SNX18: variants seen among roughly 807,000 people sequenced by gnomAD.
The protein encoded by SNX18 is sorting nexin-18.
A neutral mutation model predicts 48.7 loss-of-function variants in SNX18; 35 were observed. The ratio of observed to expected loss-of-function variants is 0.72; its 90% CI spans 0.55 to 0.95. SNX18 has a LOEUF of 0.95. Ranked by LOEUF, SNX18 falls within the 40% of genes least tolerant of loss-of-function variation. The probability of loss-of-function intolerance (pLI) is 0.00; values close to 1 mark genes in which losing one functional copy is unlikely to be tolerated. For missense variants in SNX18, 824 were observed against 871.0 expected (o/e 0.95, Z 0.68); for synonymous variants, 492 against 384.7 (o/e 1.28, Z -3.26).
chr5:54,632,650 G>A, the SNX18 span, among the ~76,000 whole-genome samples: 1 of 152,162 alleles, frequency 6.6e-6, no homozygotes, highest in African/African-American at 2.4e-5. Flanking sequence ...AACTACCAGC[G>A]AGGTCTGCTC....
the SNX18 span, among the ~76,000 whole-genome samples, chr5:54,609,815 TGGAGGTGGAGCGTGGTG>T: frequency 1.6e-3 from 247 of 152,180 alleles, 1 homozygote; most frequent in East Asian, 0.028. Context: ...TCCCCCACAT[TGGAGGTGGAGCGTGGTG>T]GGAGGTGGAG....
At chr5:54,623,335 G>T in the SNX18 span, among the ~76,000 whole-genome samples, 1 of 152,138 alleles carries the variant, frequency 6.6e-6, no homozygotes, top group Non-Finnish European at 1.5e-5. Flanking sequence ...CCAGGGAGAT[G>T]AACTAGTAAA....
chr5:54,627,634 C>T, the SNX18 span, among the ~76,000 whole-genome samples: 3 of 152,072 alleles, frequency 2.0e-5, no homozygotes, highest in Admixed American at 6.6e-5. Context: ...GGCTGCCTCA[C>T]ATGGTGGCTA....
At chr5:54,558,244 A>G in the SNX18 span, among the ~76,000 whole-genome samples, 24 of 152,362 alleles carry the variant, frequency 1.6e-4, no homozygotes, top group African/African-American at 5.8e-4. Flanking sequence ...AGAAATACCC[A>G]TATTAGAAAT....
chr5:54,594,808 T>C, the SNX18 span, among the ~76,000 whole-genome samples: 1 of 152,220 alleles, frequency 6.6e-6, no homozygotes, highest in Non-Finnish European at 1.5e-5. Flanking sequence ...CAATAGTTTT[T>C]AACTCTCACC....
chr5:54,574,120 C>G, the SNX18 span, among the ~76,000 whole-genome samples: 2 of 152,210 alleles, frequency 1.3e-5, no homozygotes, highest in Admixed American at 1.3e-4. Context: ...CTGCTGAGAA[C>G]TCGACCAGAC....
rs112026794 is a variant in SNX18, at chr5:54,518,072, G to C, written c.120G>C (p.Glu40Asp). Reference sequence around the variant, plus strand: ...AGCAGGACATCGAGGGCTGGCTCGAGGGGGTCAACAGCCGCGGCGACCGCG... The same window carrying C: ...AGCAGGACATCGAGGGCTGGCTCGACGGGGTCAACAGCCGCGGCGACCGCG... ...CSEQDIEGWLEGVNSRGDRGL... is the reference protein window; with the variant it reads ...CSEQDIEGWLDGVNSRGDRGL... Residue 40 changes from glutamate (E) to aspartate (D), a missense_variant, in exon 1 of 2, where the codon GAG becomes GAC. Glu to Asp is a conservative substitution (Grantham distance 45). Transcript: ENST00000381410. 6.5e-7 allele frequency: 1 copy of C among 1,543,012 alleles called. No homozygotes were observed. The highest frequency in any genetic ancestry group is 2.7e-5 in the East Asian group (1 of 37,460).
the SNX18 span, among the ~76,000 whole-genome samples, chr5:54,584,963 C>T: frequency 2.0e-5 from 3 of 152,296 alleles, no homozygotes; most frequent in African/African-American, 7.2e-5. Context: ...GTTTGCCACT[C>T]ACTCTGTGGT....
chr5:54,558,356 T>G, the SNX18 span, among the ~76,000 whole-genome samples: 1 of 152,208 alleles, frequency 6.6e-6, no homozygotes, highest in Non-Finnish European at 1.5e-5. Flanking sequence ...GGACTTTTAT[T>G]TTTTCCTCCT....
At chr5:54,564,904 T>C in the SNX18 span, among the ~76,000 whole-genome samples, 1 of 152,108 alleles carries the variant, frequency 6.6e-6, no homozygotes. Flanking sequence ...AAAAAAGATG[T>C]TGTTGGTCCG....
the SNX18 span, among the ~76,000 whole-genome samples, chr5:54,627,614 A>G: frequency 0.085 from 12,930 of 152,110 alleles, 617 homozygotes; most frequent in African/African-American, 0.13. Context: ...TTTGTTATTG[A>G]AGATCCCAGG....
At chr5:54,538,863 T>G (rs1762407037) in intron 1 of SNX18, among the ~76,000 whole-genome samples, 1 of 152,228 alleles carries the variant, frequency 6.6e-6, no homozygotes, top group Admixed American at 6.5e-5. Context: ...ATCAATTTAG[T>G]TACATTTCAG....
At chr5:54,567,402 T>A in the SNX18 span, among the ~76,000 whole-genome samples, 1 of 151,884 alleles carries the variant, frequency 6.6e-6, no homozygotes, top group Non-Finnish European at 1.5e-5. Context: ...GAAAGGCCAA[T>A]CAGAAGAGGA....
At position 54,519,022 on chromosome 5, in the gene SNX18, T is replaced by C; in HGVS notation, c.1070T>C (p.Ile357Thr). ...ATCTCTAAGCGCAGGAAGGGCCTGA[T>C]CTGGTGGATGAACCACATGGCCAGC... ...DFISKRRKGL[I>T]WWMNHMASHP... The change falls in exon 1 of 2, where the codon ATC becomes ACC. Residue 357 changes from isoleucine (I) to threonine (T), a missense_variant. Physicochemically the swap from Ile to Thr is moderately conservative, Grantham distance 89. This residue lies in a region of SNX18 where 443 missense variants were observed against 503.6 expected (regional missense o/e 0.88). Coordinates refer to ENST00000381410, the MANE Select transcript of SNX18 (RefSeq NM_001102575.2). The C allele has an allele frequency of 6.2e-7, 1 of 1,613,306 alleles. No individual in the cohort carries two copies. Among genetic ancestry groups the C allele is most frequent in the East Asian group, 2.2e-5 (1 of 44,832 alleles).
At chr5:54,640,828 G>A in the SNX18 span, among the ~76,000 whole-genome samples, 2 of 152,106 alleles carry the variant, frequency 1.3e-5, no homozygotes, top group African/African-American at 4.8e-5. Context: ...GGGAGGCCGA[G>A]GTGGGAGAAT....
chr5:54,534,778 T>C (rs1440165462), intron 1 of SNX18, among the ~76,000 whole-genome samples: 1 of 152,036 alleles, frequency 6.6e-6, no homozygotes, highest in African/African-American at 2.4e-5. Context: ...AACAGAGAAG[T>C]TTAGTGCAGT....
chr5:54,538,821 T>G (rs1762406352), intron 1 of SNX18, among the ~76,000 whole-genome samples: 1 of 152,236 alleles, frequency 6.6e-6, no homozygotes, highest in African/African-American at 2.4e-5. Flanking sequence ...AATCATCTTT[T>G]AACTTTCTTT....
chr5:54,523,973 A>G (rs1291370834), intron 1 of SNX18, among the ~76,000 whole-genome samples: 4 of 152,186 alleles, frequency 2.6e-5, no homozygotes, highest in Non-Finnish European at 5.9e-5. Flanking sequence ...GCTGTTTGCA[A>G]ATTCATCCTT....
the SNX18 span, among the ~76,000 whole-genome samples, chr5:54,611,586 G>A: frequency 3.3e-5 from 5 of 152,182 alleles, no homozygotes; most frequent in African/African-American, 7.2e-5. Context: ...GAGGATGCCA[G>A]CTAGGAAATC....
Sources: gnomAD v4.1 joint callset for allele counts (sites outside exome capture counted in the v4.1 genomes callset) on GRCh38, gnomAD v4.1.1 for gene constraint, gnomAD v4.1.1 regional missense constraint, MANE v1.5 for transcripts, NCBI Gene and HGNC (gene_info 2026-07-23, HGNC 2026-07-21) for gene names.